Variants in KIF11 observed in about 807,000 individuals in gnomAD.
KIF11 encodes kinesin family member 11.
Under a neutral mutation model 121.0 loss-of-function variants are expected in KIF11, and 9 were observed. That is an observed-to-expected ratio of 0.07 (90% CI 0.04 to 0.13). KIF11 has a LOEUF of 0.13. KIF11 is among the 10% of genes least tolerant of loss of function. KIF11 has a pLI of 1.00. For synonymous variants in KIF11, 408 were observed against 421.0 expected, an observed-to-expected ratio of 0.97 and a Z score of 0.38; for missense variants, 846 against 1,217.5, an observed-to-expected ratio of 0.69 and a Z score of 4.54.
intron 17 of KIF11, among the ~76,000 whole-genome samples, chr10:92,641,511 G>A (rs1683350730): frequency 6.6e-6 from 1 of 152,106 alleles, no homozygotes; most frequent in Non-Finnish European, 1.5e-5. Context: ...TGGCCTCTAT[G>A]AAATGAGAAA....
chr10:92,651,518 T>C (rs1487676348), intron 21 of KIF11, among the ~76,000 whole-genome samples: 4 of 65,184 alleles, frequency 6.1e-5, no homozygotes, highest in Non-Finnish European at 1.1e-4. Flanking sequence ...TTTTTTTTTT[T>C]TTTTTTTTTT....
In KIF11 at chr10:92,609,528, C is replaced by G. The variant is rs775467988; in HGVS notation, c.698+19C>G. The G allele has an allele frequency of 1.3e-6, 2 of 1,586,490 alleles. No individual in the cohort carries two copies. The highest frequency in any genetic ancestry group is 1.7e-6 in the Non-Finnish European group (2 of 1,171,054). Reference sequence around the variant, plus strand: ...ACTCTAGGTAAGAAAGCCATAGTCTCTTCCCTAGCCCCATTTTCTTTTAAG... The same window carrying G: ...ACTCTAGGTAAGAAAGCCATAGTCTGTTCCCTAGCCCCATTTTCTTTTAAG... On this transcript the variant is annotated intron_variant, in intron 6 of 21. Coordinates refer to ENST00000260731, the MANE Select transcript of KIF11 (RefSeq NM_004523.4).
chr10:92,650,647 G>A (rs1308842001), intron 21 of KIF11, 130 bp downstream of exon 21: 6 of 613,052 alleles, frequency 9.8e-6, no homozygotes. Context: ...GCTTGTTAAC[G>A]CTTATGATTT....
chr10:92,644,708 A>G (rs1844901282), intron 17 of KIF11, among the ~76,000 whole-genome samples: 1 of 152,118 alleles, frequency 6.6e-6, no homozygotes, highest in Non-Finnish European at 1.5e-5. Context: ...TGTACCATCT[A>G]GTGGTAATAG....
rs780148491 is a variant in KIF11, at chr10:92,637,588, TA to T, written c.2160+44del. ...CTTGGGGAGTACAGAAAGAGAGTTTTAGGATGATTTGATATGACTTGATAAT... is the reference window on the plus strand; with the variant it reads ...CTTGGGGAGTACAGAAAGAGAGTTTTGGATGATTTGATATGACTTGATAAT... On this transcript the variant is annotated intron_variant, in intron 16 of 21. Coordinates refer to ENST00000260731, the MANE Select transcript of KIF11 (RefSeq NM_004523.4). 21 of 1,552,154 alleles carry T rather than the reference TA, an allele frequency of 1.4e-5. No individual in the cohort carries two copies. In the African/African-American group the frequency reaches 2.8e-4, roughly 21 times the overall value.
intron 9 of KIF11, among the ~76,000 whole-genome samples, chr10:92,621,012 C>T (rs993065722): frequency 6.6e-6 from 1 of 152,180 alleles, no homozygotes; most frequent in East Asian, 1.9e-4. Context: ...AGCTTATTTC[C>T]TTGTCTTATT....
At chr10:92,599,125 G>GTTAAAT (rs1245981322) in intron 1 of KIF11, among the ~76,000 whole-genome samples, 2 of 151,514 alleles carry the variant, frequency 1.3e-5, no homozygotes, top group East Asian at 3.9e-4. Context: ...CACCTCCTTG[G>GTTAAAT]TTAAATTAAT....
At chr10:92,614,496 C>A (rs1168231210) in intron 8 of KIF11, among the ~76,000 whole-genome samples, 1 of 152,154 alleles carries the variant, frequency 6.6e-6, no homozygotes, top group Non-Finnish European at 1.5e-5. Context: ...TCCTTCCTGG[C>A]AGAGTTTTTA....
chr10:92,619,589 A>G (rs184306751), intron 9 of KIF11, among the ~76,000 whole-genome samples: 96 of 152,222 alleles, frequency 6.3e-4, no homozygotes, highest in Admixed American at 1.2e-3. Flanking sequence ...AATTGGCTGT[A>G]TCATTTTACA....
intron 13 of KIF11, 48 bp downstream of exon 13, chr10:92,632,741 T>C: frequency 2.5e-6 from 3 of 1,194,266 alleles, no homozygotes; most frequent in Non-Finnish European, 3.4e-6. Flanking sequence ...AAGTGTAATG[T>C]TGATTTCAAA....
intron 17 of KIF11, among the ~76,000 whole-genome samples, chr10:92,644,277 T>A (rs1019556758): frequency 9.2e-5 from 14 of 152,190 alleles, no homozygotes; most frequent in African/African-American, 3.1e-4. Flanking sequence ...TATAGTACTT[T>A]TAACTCAATC....
Position 92,654,327 on chromosome 10 carries a change from A to G in KIF11, c.*531A>G, listed in dbSNP as rs1845021787. ...GTAAATACGTATTTCTAGTTTTCAT[A>G]TAAAGTAGTTCTTTTATAACAAATG... On this transcript the variant is annotated 3_prime_UTR_variant, in exon 22 of 22. Coordinates refer to ENST00000260731, the MANE Select transcript of KIF11 (RefSeq NM_004523.4). The G allele has an allele frequency of 6.6e-6, 1 of 152,372 alleles. No homozygotes were observed. The highest frequency in any genetic ancestry group is 6.5e-5 in the Admixed American group (1 of 15,302). The allele number at this position is 152,372 out of a possible 1,614,324, so 9.4% of individuals were successfully genotyped here. A position where few individuals can be genotyped will look rare whatever the true frequency, so the allele number is the denominator to read the frequency against.
chr10:92,622,754 G>A (rs935750871), intron 10 of KIF11, among the ~76,000 whole-genome samples: 5 of 152,120 alleles, frequency 3.3e-5, no homozygotes, highest in Non-Finnish European at 7.3e-5. Flanking sequence ...CTGAGACTGG[G>A]TAATTTATAA....
intron 10 of KIF11, among the ~76,000 whole-genome samples, chr10:92,626,547 TGTCA>T (rs901540964): frequency 1.4e-4 from 22 of 152,166 alleles, no homozygotes; most frequent in Non-Finnish European, 2.6e-4. Context: ...ATTAGTACAG[TGTCA>T]GTCAGAGAAG....
intron 10 of KIF11, among the ~76,000 whole-genome samples, chr10:92,622,818 T>C (rs1844632458): frequency 6.6e-6 from 1 of 151,452 alleles, no homozygotes; most frequent in Non-Finnish European, 1.5e-5. Context: ...GAGGCATGGC[T>C]GGGGAGGCTT....
chr10:92,653,394 C>T (rs890066354), intron 21 of KIF11, among the ~76,000 whole-genome samples: 2 of 152,166 alleles, frequency 1.3e-5, no homozygotes, highest in African/African-American at 2.4e-5. Context: ...ATGAGAACCA[C>T]TACCCTGGAG....
chr10:92,606,839 G>A (rs768042722), intron 3 of KIF11, 123 bp downstream of exon 3: 51 of 685,378 alleles, frequency 7.4e-5, no homozygotes, highest in East Asian at 4.2e-4. Flanking sequence ...GTGCAATGGC[G>A]CGATCTCGGC....
In KIF11 at chr10:92,628,855, T is replaced by C; in HGVS notation, c.1265T>C (p.Leu422Ser). ...GTTCAAGAAGAGCAGATTGTAGAAT[T>C]GATTGAAAAAATTGGTGCTGTTGAG... ...LTVQEEQIVE[L>S]IEKIGAVEEE... is the part of the protein sequence containing the mutation. Residue 422 changes from leucine (L) to serine (S), a missense_variant, in exon 11 of 22, where the codon TTG (leucine) becomes TCG (serine). Physicochemically the swap from Leu to Ser is moderately radical, Grantham distance 145. Around this residue, in one of 5 missense-constraint regions of KIF11, gnomAD observed 95 missense variants for 109.3 expected, o/e 0.87. Transcript: ENST00000260731. 6.2e-7 allele frequency: 1 copy of C among 1,605,190 alleles called. No individual in the cohort carries two copies. The highest frequency in any genetic ancestry group is 1.3e-5 in the African/African-American group (1 of 74,858).
At chr10:92,618,929 G>C (rs1429571110) in intron 9 of KIF11, among the ~76,000 whole-genome samples, 9 of 151,776 alleles carry the variant, frequency 5.9e-5, no homozygotes, top group Admixed American at 5.9e-4. Flanking sequence ...TCCTTTCCTG[G>C]TACCCAGTAA....
Sources: gnomAD v4.1 joint callset for allele counts (sites outside exome capture counted in the v4.1 genomes callset) on GRCh38, gnomAD v4.1.1 for gene constraint, gnomAD v4.1.1 regional missense constraint, MANE v1.5 for transcripts, NCBI Gene and HGNC (gene_info 2026-07-23, HGNC 2026-07-21) for gene names.